GRAMD1B: variants seen among roughly 807,000 people sequenced by gnomAD.
GRAMD1B encodes protein Aster-B.
GRAMD1B carries 37 observed loss-of-function variants against 99.7 expected under a neutral mutation model. The ratio of observed to expected loss-of-function variants is 0.37; its 90% CI spans 0.29 to 0.49. The LOEUF (loss-of-function observed/expected upper bound fraction) is 0.49, where lower values mean the gene tolerates loss of function less well. GRAMD1B is among the 20% of genes least tolerant of loss of function. GRAMD1B has a pLI of 0.98. For synonymous variants in GRAMD1B, 427 were observed against 387.6 expected, an observed-to-expected ratio of 1.10 and a Z score of -1.19; for missense variants, 888 against 1,009.2, an observed-to-expected ratio of 0.88 and a Z score of 1.63.
In GRAMD1B at chr11:123,408,627, C is replaced by A. The variant is rs561312813; in HGVS notation, c.-176+49828C>A. On this transcript the variant is annotated intron_variant, in intron 1 of 20. Coordinates refer to the GRAMD1B transcript ENST00000638157. ...CTCCCTTTCCTCCACAGCCCTTGAG[C>A]CAGAGGGTGTTGTCCATAGGAAAGA... Among the ~76,000 whole-genome samples, 33 of 152,352 alleles carry A rather than the reference C, an allele frequency of 2.2e-4. No homozygotes were observed. The South Asian group carries it at 2.9e-3, about 13-fold the overall frequency.
intron 2 of GRAMD1B, among the ~76,000 whole-genome samples, chr11:123,520,661 C>T (rs1334321079): frequency 6.6e-6 from 1 of 150,888 alleles, no homozygotes; most frequent in African/African-American, 2.4e-5. Flanking sequence ...TGTCTGCAAT[C>T]CCAGCTATTC....
At chr11:123,509,762 G>A (rs1289740607) in intron 2 of GRAMD1B, among the ~76,000 whole-genome samples, 1 of 152,236 alleles carries the variant, frequency 6.6e-6, no homozygotes, top group Non-Finnish European at 1.5e-5. Context: ...CGAGTAAAGT[G>A]GGCCAGAGAG....
intron 1 of GRAMD1B, among the ~76,000 whole-genome samples, chr11:123,463,078 G>A (rs1950513433): frequency 6.6e-6 from 1 of 152,134 alleles, no homozygotes; most frequent in African/African-American, 2.4e-5. Context: ...GCGCGATCTC[G>A]GCTCACCGCA....
chr11:123,435,460 A>G (rs1376959971), intron 1 of GRAMD1B: 2 of 702,740 alleles, frequency 2.8e-6, no homozygotes, highest in Non-Finnish European at 2.6e-6. Flanking sequence ...TTCACTGCAC[A>G]AAGTTGAAAA....
intron 1 of GRAMD1B, among the ~76,000 whole-genome samples, chr11:123,449,101 G>GT (rs1297581853): frequency 3.9e-5 from 6 of 152,120 alleles, no homozygotes; most frequent in African/African-American, 1.4e-4. Context: ...CTTTGCCACC[G>GT]TAAGGCCTTT....
At chr11:123,542,129 T>C (rs1944597398) in intron 2 of GRAMD1B, among the ~76,000 whole-genome samples, 1 of 152,192 alleles carries the variant, frequency 6.6e-6, no homozygotes, top group Non-Finnish European at 1.5e-5. Context: ...AGTAGGTTGG[T>C]TTGAGGACTA....
chr11:123,381,992 A>G lies in GRAMD1B; in HGVS notation c.-176+23193A>G, dbSNP rs536212104. On this transcript the variant is annotated intron_variant, in intron 1 of 20. Transcript: ENST00000638157. Reference sequence around the variant, plus strand: ...TACTGGGAAAAGGAGGCCTCCTCTGACCAGCAAGTGCCTACTCCTGCAGCT... The same window carrying G: ...TACTGGGAAAAGGAGGCCTCCTCTGGCCAGCAAGTGCCTACTCCTGCAGCT... Among the ~76,000 whole-genome samples the G allele has an allele frequency of 2.6e-5, 4 of 152,224 alleles. No individual in the cohort carries two copies. In the South Asian group the frequency reaches 8.3e-4, roughly 32 times the overall value.
chr11:123,380,113 T>C (rs1006502108), intron 1 of GRAMD1B, among the ~76,000 whole-genome samples: 1 of 152,232 alleles, frequency 6.6e-6, no homozygotes, highest in Admixed American at 6.5e-5. Context: ...AAAACTTTTC[T>C]CCAATTCATC....
intron 19 of GRAMD1B, among the ~76,000 whole-genome samples, chr11:123,620,211 C>A (rs775917619): frequency 2.0e-5 from 3 of 152,098 alleles, no homozygotes; most frequent in Non-Finnish European, 1.5e-5. Flanking sequence ...TGGTGGGTCA[C>A]GCCTATAATC....
Position 123,609,769 on chromosome 11 carries a change from ATTCCAGG to A in GRAMD1B, c.1658-25_1658-19del, listed in dbSNP as rs1299494200. On this transcript the variant is annotated intron_variant, in intron 12 of 19. Transcript: ENST00000635736. ...GAGAGGGCTCTGCCCTCCCTTCCTC[ATTCCAGG>A]GCTCTCCTCTACCCTTAGATATCAT... is the stretch of plus-strand genomic sequence containing the variant. The A allele has an allele frequency of 7.5e-7, 1 of 1,329,914 alleles. No individual in the cohort carries two copies. The highest frequency in any genetic ancestry group is 1.2e-5 in the South Asian group (1 of 80,054). 82.4% of individuals were successfully genotyped at this position (1,329,914 alleles called of 1,614,324 possible).
intron 9 of GRAMD1B, among the ~76,000 whole-genome samples, chr11:123,603,790 T>C (rs1236809130): frequency 6.6e-6 from 1 of 152,220 alleles, no homozygotes; most frequent in African/African-American, 2.4e-5. Context: ...TGCTAAGGTC[T>C]GATTTAACAT....
chr11:123,528,911 C>T (rs920565242), intron 2 of GRAMD1B, among the ~76,000 whole-genome samples: 6 of 152,154 alleles, frequency 3.9e-5, no homozygotes, highest in Admixed American at 2.0e-4. Context: ...TACACTCTTA[C>T]GGCTGAACTG....
rs1951402225 is a variant in GRAMD1B at position 123,597,271 on chromosome 11, T to TC, written c.969+1234_969+1235insC. 3.8e-5 allele frequency among the ~76,000 whole-genome samples: 4 copies of TC among 106,348 alleles called. No individual in the cohort carries two copies. In the South Asian group the frequency reaches 1.2e-3, roughly 33 times the overall value. The allele number at this position is 106,348 out of a possible 152,430, so 69.8% of individuals were successfully genotyped here. On this transcript the variant is annotated intron_variant, in intron 7 of 19. Coordinates refer to ENST00000635736, the MANE Select transcript of GRAMD1B (RefSeq NM_001387025.1). ...GCCACTATGCCTTTTTTTTTTTTTT[T>TC]TTTTTTTTTTTTTTTAAGAGACAGG...
chr11:123,592,152 G>A (rs1231289431), intron 4 of GRAMD1B, among the ~76,000 whole-genome samples: 1 of 152,202 alleles, frequency 6.6e-6, no homozygotes, highest in Non-Finnish European at 1.5e-5. Context: ...TGCTCCTCAG[G>A]CTGACACTGG....
intron 19 of GRAMD1B, among the ~76,000 whole-genome samples, chr11:123,620,397 C>T (rs1406402581): frequency 7.8e-6 from 1 of 128,358 alleles, no homozygotes; most frequent in African/African-American, 2.8e-5. Flanking sequence ...TTGCTTGAAC[C>T]TGGGAGGTGG....
At chr11:123,605,891 C>T (rs1184626984) in intron 10 of GRAMD1B, among the ~76,000 whole-genome samples, 1 of 152,092 alleles carries the variant, frequency 6.6e-6, no homozygotes, top group Admixed American at 6.5e-5. Flanking sequence ...GTTGAGTATA[C>T]GTATTGTGGC....
chr11:123,467,349 T>A (rs1035577343), intron 1 of GRAMD1B, among the ~76,000 whole-genome samples: 1 of 149,988 alleles, frequency 6.7e-6, no homozygotes, highest in Non-Finnish European at 1.5e-5. Flanking sequence ...CATAGATAAT[T>A]CAGAAAGAAA....
At chr11:123,418,629 G>A (rs1403461090) in intron 1 of GRAMD1B, among the ~76,000 whole-genome samples, 1 of 152,172 alleles carries the variant, frequency 6.6e-6, no homozygotes, top group Admixed American at 6.5e-5. Flanking sequence ...GGCTTAGTGT[G>A]ATATGATAAT....
chr11:123,473,348 G>A (rs1233755253), intron 1 of GRAMD1B, among the ~76,000 whole-genome samples: 1 of 152,142 alleles, frequency 6.6e-6, no homozygotes. Context: ...ACAGGCGTGA[G>A]CCACCGTGCC....
Sources: allele counts gnomAD v4.1 joint callset (sites outside exome capture counted in the v4.1 genomes callset), GRCh38; gene constraint gnomAD v4.1.1; transcripts MANE v1.5; gene names NCBI Gene and HGNC (gene_info 2026-07-23, HGNC 2026-07-21).